ITFG2: variants seen among roughly 807,000 people sequenced by gnomAD.
The protein encoded by ITFG2 is integrin alpha FG-GAP repeat containing 2.
Under a neutral mutation model 54.4 loss-of-function variants are expected in ITFG2, and 36 were observed. That is an observed-to-expected ratio of 0.66 (90% CI 0.51 to 0.87). The LOEUF (loss-of-function observed/expected upper bound fraction) is 0.87. Among genes scored for constraint, ITFG2 ranks in the 40% least tolerant of loss-of-function variants. The pLI is 0.00. For missense variants in ITFG2, 524 were observed against 576.7 expected (o/e 0.91, Z 0.94); for synonymous variants, 211 against 225.4 (o/e 0.94, Z 0.57).
chr12:2,848,866 G>GACACACGCAC (rs760263659), intron 2 of ITFG2, among the ~76,000 whole-genome samples: 12 of 115,872 alleles, frequency 1.0e-4, no homozygotes, highest in African/African-American at 4.1e-4. Flanking sequence ...CACCCCAACA[G>GACACACGCAC]ACACACACAC....
intron 1 of ITFG2, among the ~76,000 whole-genome samples, chr12:2,837,189 T>G (rs928275246): frequency 1.3e-5 from 2 of 151,592 alleles, no homozygotes; most frequent in Non-Finnish European, 2.9e-5. Context: ...AAAAATTAGC[T>G]GGGCATGGCC....
intron 2 of ITFG2, among the ~76,000 whole-genome samples, chr12:2,843,011 C>T (rs1169029038): frequency 1.3e-5 from 2 of 152,190 alleles, no homozygotes; most frequent in Admixed American, 1.3e-4. Context: ...ATTCTTTCCT[C>T]AAGGCTGAAT....
chr12:2,847,260 T>C (rs534351954), intron 2 of ITFG2, among the ~76,000 whole-genome samples: 1 of 152,336 alleles, frequency 6.6e-6, no homozygotes, highest in South Asian at 2.1e-4. Context: ...AGTACACAAA[T>C]CAGTGGCATG....
At chr12:2,814,025 C>T (rs138998817) in intron 1 of ITFG2, among the ~76,000 whole-genome samples, 3,003 of 152,294 alleles carry the variant, frequency 0.02, 112 homozygotes, top group African/African-American at 0.069. Flanking sequence ...CTCACTGCAG[C>T]CTTGAACTCC....
At chr12:2,856,713 C>T (rs972127586) in intron 2 of ITFG2, among the ~76,000 whole-genome samples, 8 of 152,196 alleles carry the variant, frequency 5.3e-5, no homozygotes, top group African/African-American at 1.9e-4. Context: ...AGCTTGGGCC[C>T]CTAAGTCATT....
intron 4 of ITFG2, chr12:2,819,744 G>A (rs1245104500): frequency 3.2e-5 from 6 of 189,974 alleles, no homozygotes; most frequent in Admixed American, 2.3e-4. Flanking sequence ...TCACTGAGAA[G>A]GTAACATTTG....
chr12:2,820,487 G>T (rs948783103), intron 5 of ITFG2, among the ~76,000 whole-genome samples: 2 of 152,114 alleles, frequency 1.3e-5, no homozygotes, highest in South Asian at 4.1e-4. Context: ...CTAGACCCCA[G>T]CTGGGACATG....
At chr12:2,847,546 A>G (rs1209873210) in intron 2 of ITFG2, among the ~76,000 whole-genome samples, 1 of 152,002 alleles carries the variant, frequency 6.6e-6, no homozygotes, top group East Asian at 1.9e-4. Flanking sequence ...GCACGCCTGT[A>G]GTCCCAGCTA....
rs371530862 is a variant in ITFG2, at chr12:2,818,204, C to A, written c.333C>A (p.Ile111=). The part of the protein sequence containing the change: ...LDASGHHETL[I]GEEQRPVFKQ... The stretch of plus-strand genomic sequence containing the variant: ...CTTCTGGGCACCACGAGACACTAAT[C>A]GGAGAGGAGCAGCGTCCAGTCTTCA... The change falls in exon 4 of 12, where the codon ATC becomes ATA. Residue 111 remains isoleucine, a synonymous_variant. Coordinates refer to ENST00000228799, the MANE Select transcript of ITFG2 (RefSeq NM_018463.4). 6.2e-7 allele frequency: 1 copy of A among 1,613,894 alleles called. No individual in the cohort carries two copies. Among genetic ancestry groups the A allele is most frequent in the Non-Finnish European group, 8.5e-7 (1 of 1,179,958 alleles).
chr12:2,821,901 T>A, intron 9 of ITFG2, 109 bp downstream of exon 9: 1 of 759,070 alleles, frequency 1.3e-6, no homozygotes, highest in Non-Finnish European at 2.2e-6. Flanking sequence ...CCAACCTTTA[T>A]CTTTAGTCTC....
intron 2 of ITFG2, among the ~76,000 whole-genome samples, chr12:2,844,110 T>C (rs1281016464): frequency 6.9e-6 from 1 of 145,316 alleles, no homozygotes; most frequent in Non-Finnish European, 1.5e-5. Context: ...CAAAAAAAAA[T>C]AGCCAGGCAT....
intron 1 of ITFG2, among the ~76,000 whole-genome samples, chr12:2,839,978 G>T (rs955121534): frequency 2.0e-5 from 3 of 152,072 alleles, no homozygotes; most frequent in Non-Finnish European, 2.9e-5. Context: ...GAGGAGCTAG[G>T]GCTGAAGAAC....
At chr12:2,837,203 C>T (rs1231406757) in intron 1 of ITFG2, among the ~76,000 whole-genome samples, 2 of 152,144 alleles carry the variant, frequency 1.3e-5, no homozygotes, top group African/African-American at 2.4e-5. Flanking sequence ...CATGGCCGGG[C>T]GCGGTGGCTC....
rs2097954806 is a variant in ITFG2, at chr12:2,823,857, A to C, written c.1154A>C (p.Gln385Pro). 1 of 1,613,172 alleles carries C rather than the reference A, an allele frequency of 6.2e-7. No individual in the cohort carries two copies. The highest frequency in any genetic ancestry group is 1.3e-5 in the African/African-American group (1 of 74,914). Reference protein sequence around the residue: ...NQKIYVYWEVQLERMESTNLV... With the variant: ...NQKIYVYWEVPLERMESTNLV... ...AAGATCTATGTGTACTGGGAGGTGCAGCTGGAGCGGATGGAGTCTACCAAT... is the reference window on the plus strand; with the variant it reads ...AAGATCTATGTGTACTGGGAGGTGCCGCTGGAGCGGATGGAGTCTACCAAT... Residue 385 changes from glutamine (Q) to proline (P), a missense_variant, in exon 11 of 12, where the codon CAG (glutamine) becomes CCG (proline). Gln to Pro is a moderately conservative substitution (Grantham distance 76). Coordinates refer to ENST00000228799, the MANE Select transcript of ITFG2 (RefSeq NM_018463.4).
At chr12:2,830,582 G>T in intron 2 of ITFG2, 1 of 1,055,882 alleles carries the variant, frequency 9.5e-7, no homozygotes, top group Non-Finnish European at 1.4e-6. Flanking sequence ...GTTAGGTCCA[G>T]GCTAGGGAGA....
rs541780397 is a variant in ITFG2 at position 2,839,321 on chromosome 12, A to G, written n.147-1521A>G. On this transcript the variant is annotated intron_variant and non_coding_transcript_variant, in intron 1 of 3. Transcript: ENST00000537710. ...AAAACCAAATAATTAATCAACAAGGAATAACTCCATTGGTCTCTAATAATG... is the reference window on the plus strand; with the variant it reads ...AAAACCAAATAATTAATCAACAAGGGATAACTCCATTGGTCTCTAATAATG... 2.0e-3 allele frequency among the ~76,000 whole-genome samples: 302 copies of G among 152,290 alleles called. 1 individual carries two copies. Among genetic ancestry groups the G allele is most frequent in the Non-Finnish European group, 3.3e-3 (225 of 68,034 alleles).
intron 2 of ITFG2, among the ~76,000 whole-genome samples, chr12:2,850,618 C>T (rs1360361174): frequency 6.6e-6 from 1 of 152,132 alleles, no homozygotes; most frequent in African/African-American, 2.4e-5. Flanking sequence ...AGCTTCAGTG[C>T]TTCAGTGTGC....
rs1420288254 is a variant in ITFG2, at chr12:2,822,927, A to G, written c.1066+16A>G. 1.3e-5 allele frequency: 21 copies of G among 1,596,406 alleles called. No homozygotes were observed. Among genetic ancestry groups the G allele is most frequent in the Non-Finnish European group, 1.7e-5 (20 of 1,164,138 alleles). ...TTCTGTGCAGGTGACCCCCGCCCCCATGGCCCCTTTCTAACCACACTTAAG... is the reference window on the plus strand; with the variant it reads ...TTCTGTGCAGGTGACCCCCGCCCCCGTGGCCCCTTTCTAACCACACTTAAG... On this transcript the variant is annotated intron_variant, in intron 10 of 11. Coordinates refer to ENST00000228799, the MANE Select transcript of ITFG2 (RefSeq NM_018463.4).
intron 2 of ITFG2, among the ~76,000 whole-genome samples, chr12:2,850,682 TG>T (rs759275028): frequency 0.22 from 33,912 of 151,424 alleles, 4,981 homozygotes; most frequent in African/African-American, 0.42. Context: ...TGTTTTGTTT[TG>T]TTTTGTTGAG....
Sources: gnomAD v4.1 joint callset for allele counts (sites outside exome capture counted in the v4.1 genomes callset) on GRCh38, gnomAD v4.1.1 for gene constraint, MANE v1.5 for transcripts, NCBI Gene and HGNC (gene_info 2026-07-23, HGNC 2026-07-21) for gene names.